Variants in PCNT observed in about 807,000 individuals in gnomAD.
The protein encoded by PCNT is kendrin.
In PCNT, 319 loss-of-function variants were observed where a neutral mutation model predicts 380.4. The observed-to-expected ratio is 0.84, with a 90% CI of 0.77 to 0.92. The LOEUF (loss-of-function observed/expected upper bound fraction) is 0.92, where lower values mean the gene tolerates loss of function less well. Among genes scored for constraint, PCNT ranks in the 40% least tolerant of loss-of-function variants. The pLI, the probability that PCNT is intolerant of heterozygous loss-of-function variation, is 0.00. For missense variants in PCNT, 4,400 were observed against 4,255.3 expected, an observed-to-expected ratio of 1.03 and a Z score of -0.95; for synonymous variants, 1,845 against 1,735.2, an observed-to-expected ratio of 1.06 and a Z score of -1.57.
rs201124068 is a variant in PCNT, at chr21:46,399,810, A to G, written c.4791+14A>G. 209 of 1,611,426 alleles carry G rather than the reference A, an allele frequency of 1.3e-4. No homozygotes were observed. Among genetic ancestry groups the G allele is most frequent in the Middle Eastern group, 6.6e-4 (4 of 6,050 alleles). On this transcript the variant is annotated intron_variant, in intron 25 of 46. Coordinates refer to ENST00000359568, the MANE Select transcript of PCNT (RefSeq NM_006031.6). ...GGGCTGGAACAGGTAAAGCGTCTCCATGTTGTGGTTGGGCACGTGGTGAGG... is the reference window on the plus strand; with the variant it reads ...GGGCTGGAACAGGTAAAGCGTCTCCGTGTTGTGGTTGGGCACGTGGTGAGG...
In PCNT at chr21:46,444,011, C is replaced by CT. The variant is rs2053684241; in HGVS notation, c.9839+64dup. On this transcript the variant is annotated intron_variant, in intron 45 of 46. Transcript: ENST00000359568. ...GCTCTCCCTCCAGCCTACATAGGGC[C>CT]TCAGAGAAATGCATTTTTAGTTCTG... 8 of 1,542,464 alleles carry CT rather than the reference C, an allele frequency of 5.2e-6. No individual in the cohort carries two copies. In the African/African-American group the frequency reaches 9.6e-5, roughly 18 times the overall value.
At chr21:46,443,472 C>T (rs914314868) in intron 44 of PCNT, among the ~76,000 whole-genome samples, 1 of 152,156 alleles carries the variant, frequency 6.6e-6, no homozygotes, top group Non-Finnish European at 1.5e-5. Flanking sequence ...AAAGTTTGCC[C>T]CTCTGAGTCA....
intron 13 of PCNT, among the ~76,000 whole-genome samples, chr21:46,359,910 G>A (rs890886538): frequency 6.7e-6 from 1 of 150,370 alleles, no homozygotes; most frequent in Non-Finnish European, 1.5e-5. Flanking sequence ...AGGCTGGAGT[G>A]CAGTGGCACA....
chr21:46,391,309 G>A lies in PCNT; in HGVS notation c.4149G>A (p.Arg1383=). The change falls in exon 21 of 47, where the codon AGG becomes AGA. Residue 1383 remains arginine, a synonymous_variant. Coordinates refer to ENST00000359568, the MANE Select transcript of PCNT (RefSeq NM_006031.6). The part of the protein sequence containing the change: ...QQAAQEQAAL[R]EECTRLWSRG... ...CGGCCCAGGAGCAGGCGGCGCTGAG[G>A]GAGGAGTGCACCCGTCTGTGGAGTC... 6.4e-7 allele frequency: 1 copy of A among 1,568,584 alleles called. No homozygotes were observed. Among genetic ancestry groups the A allele is most frequent in the Non-Finnish European group, 8.6e-7 (1 of 1,156,664 alleles).
chr21:46,391,377 G>A lies in PCNT; in HGVS notation c.4216+1G>A, dbSNP rs1335453402. 6.5e-7 allele frequency: 1 copy of A among 1,547,480 alleles called. No individual in the cohort carries two copies. Among genetic ancestry groups the A allele is most frequent in the South Asian group, 1.2e-5 (1 of 83,916 alleles). On this transcript the variant is annotated splice_donor_variant, in intron 21 of 46. Transcript: ENST00000359568. LOFTEE classifies it high-confidence loss of function. ...ACGGACGCCGAGGCCAGAGAAGCTG[G>A]TAAGGAGCGCGGGCTGTGGAGGGTG...
chr21:46,430,547 C>G lies in PCNT; in HGVS notation c.7954C>G (p.Leu2652Val). ...TAAGGAGAACGAGCTGAAGGCCGCG[C>G]TTCAGGAGCTGGAGAGTGAGCAGGG... ...SSKENELKAA[L>V]QELESEQGKG... The change falls in exon 37 of 47, where the codon CTT (leucine) becomes GTT (valine). Residue 2652 changes from leucine to valine, a missense_variant. Physicochemically the swap from Leu to Val is conservative, Grantham distance 32. Coordinates refer to ENST00000359568, the MANE Select transcript of PCNT (RefSeq NM_006031.6). 6.4e-7 allele frequency: 1 copy of G among 1,555,916 alleles called. No homozygotes were observed. Among genetic ancestry groups the G allele is most frequent in the Non-Finnish European group, 8.7e-7 (1 of 1,150,146 alleles).
intron 14 of PCNT, among the ~76,000 whole-genome samples, chr21:46,365,942 CTATTCACTGCT>C (rs1287684713): frequency 2.0e-5 from 3 of 149,584 alleles, no homozygotes; most frequent in Non-Finnish European, 4.4e-5. Flanking sequence ...CTGTGGGGTT[CTATTCACTGCT>C]GTGGGGTTCT....
At chr21:46,353,899 C>T (rs2084374494) in intron 10 of PCNT, 88 bp from the exon 11 acceptor site, 2 of 1,153,512 alleles carry the variant, frequency 1.7e-6, no homozygotes, top group Non-Finnish European at 2.6e-6. Flanking sequence ...GGCGCCTCTG[C>T]TGTGAGCAGT....
rs780532094 is a variant in PCNT, at chr21:46,440,149, C to T, written c.9340C>T (p.Pro3114Ser). The T allele has an allele frequency of 3.1e-6, 5 of 1,614,084 alleles. No individual in the cohort carries two copies. The East Asian group carries it at 1.1e-4, about 36-fold the overall frequency. Residue 3114 changes from proline (P) to serine (S), a missense_variant, in exon 42 of 47, where the codon CCC (proline) becomes TCC (serine). Pro to Ser is a moderately conservative substitution (Grantham distance 74). Coordinates refer to ENST00000359568, the MANE Select transcript of PCNT (RefSeq NM_006031.6). ...APQSSLRRPD[P>S]GRLPPAASEE... ...ACAGAGTTCCCTGAGGCGCCCAGAC[C>T]CCGGCCGGCTTCCACCAGCTGCCAG...
rs981359088 is a variant in PCNT, at chr21:46,397,610, A to G, written c.4446+116A>G. ...AGTAGGATGTTGAAGAGGGCGCCCC[A>G]CACCTGCTGCACAGGTGCACCCAGG... On this transcript the variant is annotated intron_variant, in intron 22 of 46. Coordinates refer to ENST00000359568, the MANE Select transcript of PCNT (RefSeq NM_006031.6). The G allele has an allele frequency of 2.8e-5, 24 of 861,208 alleles. No homozygotes were observed. The East Asian group carries it at 4.5e-4, about 16-fold the overall frequency. The allele number at this position is 861,208 out of a possible 1,614,324, so 53.3% of individuals were successfully genotyped here. A position where few individuals can be genotyped will look rare whatever the true frequency, so the allele number is the denominator to read the frequency against.
intron 2 of PCNT, among the ~76,000 whole-genome samples, chr21:46,331,054 G>T (rs2083544881): frequency 6.6e-6 from 1 of 152,144 alleles, no homozygotes; most frequent in Non-Finnish European, 1.5e-5. Context: ...GTGTGTGTAT[G>T]TGTGTGTGAG....
intron 44 of PCNT, among the ~76,000 whole-genome samples, chr21:46,443,494 C>T (rs1601226447): frequency 6.6e-6 from 1 of 152,302 alleles, no homozygotes; most frequent in East Asian, 1.9e-4. Flanking sequence ...ACCTGGTGGT[C>T]TCCAGGGTTC....
At position 46,399,583 on chromosome 21, in the gene PCNT, GTT is replaced by G; in HGVS notation, c.4585-4_4585-3del. 2 of 1,603,522 alleles carry G rather than the reference GTT, an allele frequency of 1.2e-6. No homozygotes were observed. The highest frequency in any genetic ancestry group is 1.7e-6 in the Non-Finnish European group (2 of 1,170,598). On this transcript the variant is annotated splice_polypyrimidine_tract_variant and splice_region_variant and intron_variant, in intron 24 of 46. Coordinates refer to ENST00000359568, the MANE Select transcript of PCNT (RefSeq NM_006031.6). ...TTGTATTCCTCAAGCATTTTTTGTT[GTT>G]TTAGGTTGAGTTGTTACAACAAAAG...
Position 46,388,904 on chromosome 21 carries a change from C to G in PCNT, c.3607+20C>G, listed in dbSNP as rs901740061. ...CGACAGGTGAGTGTGCCGGGACCAG[C>G]TGCCCAGCCCTGTGCTTGCAGCCCC... On this transcript the variant is annotated intron_variant, in intron 18 of 46. Transcript: ENST00000359568. The surrounding 1 kb of genome is among the most constrained non-coding windows in gnomAD (Gnocchi z 4.2). The G allele has an allele frequency of 6.3e-7, 1 of 1,577,972 alleles. No individual in the cohort carries two copies. The highest frequency in any genetic ancestry group is 1.3e-5 in the African/African-American group (1 of 74,494).
chr21:46,326,668 T>C (rs1484872087), intron 2 of PCNT, 79 bp downstream of exon 2: 1 of 1,466,222 alleles, frequency 6.8e-7, no homozygotes, highest in Non-Finnish European at 9.5e-7. Context: ...AAGATGGTCT[T>C]TGGTCTGTTT....
At chr21:46,373,732 T>TG (rs1569216673) in intron 15 of PCNT, among the ~76,000 whole-genome samples, 1 of 113,336 alleles carries the variant, frequency 8.8e-6, no homozygotes, top group Non-Finnish European at 1.9e-5. Flanking sequence ...GCCTTAGCTT[T>TG]TTTTTTTTTT....
chr21:46,324,743 G>A (rs149285789), intron 1 of PCNT: 4,906 of 361,030 alleles, frequency 0.014, 33 homozygotes, highest in Non-Finnish European at 0.017. Flanking sequence ...TGGGGCGGGC[G>A]GCCGGTATTC....
intron 14 of PCNT, among the ~76,000 whole-genome samples, chr21:46,365,865 C>T (rs1430333592): frequency 3.3e-5 from 4 of 121,314 alleles, no homozygotes; most frequent in African/African-American, 1.2e-4. Flanking sequence ...TGTTCACTGC[C>T]GTGGGGTTCT....
At position 46,438,410 on chromosome 21, in the gene PCNT, G is replaced by A. The variant is rs998017221; in HGVS notation, c.9273+73G>A. 7 of 1,405,968 alleles carry A rather than the reference G, an allele frequency of 5.0e-6. No homozygotes were observed. In the Admixed American group the frequency reaches 1.2e-4, roughly 24 times the overall value. The allele number at this position is 1,405,968 out of a possible 1,614,324, so 87.1% of individuals were successfully genotyped here. ...GGTCCAGAGCAGCTCCACCCCACAAGAGGCCGGGCTCCCTTTAGGGACCTG... is the reference window on the plus strand; with the variant it reads ...GGTCCAGAGCAGCTCCACCCCACAAAAGGCCGGGCTCCCTTTAGGGACCTG... On this transcript the variant is annotated intron_variant, in intron 41 of 46. Coordinates refer to ENST00000359568, the MANE Select transcript of PCNT (RefSeq NM_006031.6).
Sources: allele counts gnomAD v4.1 joint callset (sites outside exome capture counted in the v4.1 genomes callset), GRCh38; gene constraint gnomAD v4.1.1; non-coding constraint Gnocchi (gnomAD v3.1); transcripts MANE v1.5; gene names NCBI Gene and HGNC (gene_info 2026-07-23, HGNC 2026-07-21).